The following STAT1 variants were observed in gnomAD, a reference collection of about 807,000 sequenced individuals.
STAT1 encodes the protein signal transducer and activator of transcription 1, also known as signal transducer and activator of transcription 1-alpha/beta.
In STAT1, 24 loss-of-function variants were observed where a neutral mutation model predicts 111.7. The observed-to-expected ratio is 0.21, with a 90% CI of 0.16 to 0.30. The LOEUF is 0.30. Ranked by LOEUF, STAT1 falls within the 10% of genes least tolerant of loss-of-function variation. STAT1 has a pLI of 1.00. For missense variants in STAT1, 351 were observed against 911.9 expected, an observed-to-expected ratio of 0.38 and a Z score of 7.92; for synonymous variants, 332 against 326.5, an observed-to-expected ratio of 1.02 and a Z score of -0.18.
rs544675063 is a variant in STAT1 at position 190,971,043 on chromosome 2, G to A, written c.2239-326C>T. ...CGTGTCAAATCTGCTCATGTGAAAC[G>A]GGTGAGGAAATGCTGAGCCATATGC... On this transcript the variant is annotated intron_variant, in intron 24 of 24. Transcript: ENST00000361099. This position sits in a 1 kb window ranked among gnomAD's most constrained non-coding sequence, Gnocchi z 4.1. Among the ~76,000 whole-genome samples the A allele has an allele frequency of 1.3e-5, 2 of 152,308 alleles. No individual in the cohort carries two copies. Among genetic ancestry groups the A allele is most frequent in the African/African-American group, 2.4e-5 (1 of 41,564 alleles).
chr2:190,989,814 T>G lies in STAT1; in HGVS notation c.1038-140A>C. The G allele has an allele frequency of 1.6e-6, 1 of 639,858 alleles. No homozygotes were observed. The highest frequency in any genetic ancestry group is 1.9e-5 in the South Asian group (1 of 52,966). 39.6% of individuals were successfully genotyped at this position (639,858 alleles called of 1,614,324 possible). The stretch of plus-strand genomic sequence containing the variant: ...TTACCAACAAAAAAACTGACAGTTT[T>G]GTAGATCTACTTAAATTTTTGTAAG... On this transcript the variant is annotated intron_variant, in intron 11 of 24. Transcript: ENST00000361099. The surrounding 1 kb of genome is among the most constrained non-coding windows in gnomAD (Gnocchi z 5.0).
chr2:190,985,946 G>A (rs549207883), intron 14 of STAT1, among the ~76,000 whole-genome samples: 60 of 152,244 alleles, frequency 3.9e-4, no homozygotes, highest in African/African-American at 1.3e-3. Flanking sequence ...ATGCACCTTC[G>A]TTAACTGTTT....
In STAT1 at chr2:190,976,457, T is replaced by C. The variant is rs932117471; in HGVS notation, c.2059+383A>G. On this transcript the variant is annotated intron_variant, in intron 22 of 24. Coordinates refer to ENST00000361099, the MANE Select transcript of STAT1 (RefSeq NM_007315.4). This position sits in a 1 kb window ranked among gnomAD's most constrained non-coding sequence, Gnocchi z 6.0. ...AATAAAAATAGGATCTAGTAAGTAA[T>C]TGGGCCACCCTAAATGAACCACTTC... is the stretch of plus-strand genomic sequence containing the variant. Among the ~76,000 whole-genome samples, 4 of 152,186 alleles carry C rather than the reference T, an allele frequency of 2.6e-5. No homozygotes were observed. Among genetic ancestry groups the C allele is most frequent in the African/African-American group, 9.7e-5 (4 of 41,446 alleles).
intron 2 of STAT1, among the ~76,000 whole-genome samples, chr2:191,011,875 G>A (rs1184082494): frequency 6.6e-6 from 1 of 151,986 alleles, no homozygotes; most frequent in Non-Finnish European, 1.5e-5. Flanking sequence ...AGCAGCATGA[G>A]AACAGACTAA....
rs1028300074 is a variant in STAT1, at chr2:191,006,648, A to C, written c.372+915T>G. ...GCAATGGGCTCCTCCAGAACAATCC[A>C]TAACATGGTGGCTTCACACTGCCTG... is the stretch of plus-strand genomic sequence containing the variant. On this transcript the variant is annotated intron_variant, in intron 5 of 24. Coordinates refer to ENST00000361099, the MANE Select transcript of STAT1 (RefSeq NM_007315.4). The surrounding 1 kb of genome is among the most constrained non-coding windows in gnomAD (Gnocchi z 4.6). Among the ~76,000 whole-genome samples the C allele has an allele frequency of 6.6e-6, 1 of 152,228 alleles. No homozygotes were observed. Among genetic ancestry groups the C allele is most frequent in the African/African-American group, 2.4e-5 (1 of 41,452 alleles).
In STAT1 at chr2:191,004,408, T is replaced by G. The variant is rs1694521560; in HGVS notation, c.372+3155A>C. ...CCAGACCCCAGAGCAAAGAAAAGTC[T>G]TCTGCTCAGGAAGGGGGTCCTTTCC... On this transcript the variant is annotated intron_variant, in intron 5 of 24. Transcript: ENST00000361099. The surrounding 1 kb of genome is among the most constrained non-coding windows in gnomAD (Gnocchi z 5.0). 1.3e-5 allele frequency among the ~76,000 whole-genome samples: 2 copies of G among 152,198 alleles called. No individual in the cohort carries two copies. The highest frequency in any genetic ancestry group is 1.3e-4 in the Admixed American group (2 of 15,280).
chr2:191,001,624 C>A (rs1350439836), intron 5 of STAT1, among the ~76,000 whole-genome samples: 1 of 152,204 alleles, frequency 6.6e-6, no homozygotes, highest in African/African-American at 2.4e-5. Context: ...CCTATTTTAA[C>A]ACAATTCCGG....
At chr2:191,010,449 C>G (rs1695036568) in intron 2 of STAT1, 4 of 458,278 alleles carry the variant, frequency 8.7e-6, no homozygotes, top group Non-Finnish European at 1.8e-5. Context: ...CTGGTGTATC[C>G]CTAGAACAAT....
Position 190,982,848 on chromosome 2 carries a change from A to G in STAT1, c.1447-330T>C, listed in dbSNP as rs138839867. Among the ~76,000 whole-genome samples, 5 of 152,300 alleles carry G rather than the reference A, an allele frequency of 3.3e-5. No homozygotes were observed. The East Asian group carries it at 9.6e-4, about 29-fold the overall frequency. ...ACGCTTCCAACTGAAGCCAAACAAAATGACACTCGCTTCCTGTTTCACCTC... is the reference window on the plus strand; with the variant it reads ...ACGCTTCCAACTGAAGCCAAACAAAGTGACACTCGCTTCCTGTTTCACCTC... On this transcript the variant is annotated intron_variant, in intron 17 of 24. Transcript: ENST00000361099. This position sits in a 1 kb window ranked among gnomAD's most constrained non-coding sequence, Gnocchi z 7.3.
Position 190,986,746 on chromosome 2 carries a change from C to G in STAT1, c.1221+108G>C. 8.9e-7 allele frequency: 1 copy of G among 1,120,418 alleles called. No homozygotes were observed. The highest frequency in any genetic ancestry group is 1.4e-6 in the Non-Finnish European group (1 of 734,146). The allele number at this position is 1,120,418 out of a possible 1,614,324, so 69.4% of individuals were successfully genotyped here. A position where few individuals can be genotyped will look rare whatever the true frequency, so the allele number is the denominator to read the frequency against. ...GACACCAGCCACAAAGTCTACAAAC[C>G]CCAGCAGGGGGGCGTCCTCCACATG... is the stretch of plus-strand genomic sequence containing the variant. On this transcript the variant is annotated intron_variant, in intron 14 of 24. Transcript: ENST00000361099. The surrounding 1 kb of genome is among the most constrained non-coding windows in gnomAD (Gnocchi z 5.0).
Position 190,984,786 on chromosome 2 carries a change from CG to C in STAT1, c.1264-394del, listed in dbSNP as rs1222428990. On this transcript the variant is annotated intron_variant, in intron 15 of 24. Coordinates refer to ENST00000361099, the MANE Select transcript of STAT1 (RefSeq NM_007315.4). This position sits in a 1 kb window ranked among gnomAD's most constrained non-coding sequence, Gnocchi z 5.2. ...ATACTTGTGATTGTCTACTGCCTAC[CG>C]GAAGGGCTGACTCACATCAACTTGG... Among the ~76,000 whole-genome samples, 1 of 152,168 alleles carries C rather than the reference CG, an allele frequency of 6.6e-6. No homozygotes were observed.
chr2:191,001,484 T>C lies in STAT1; in HGVS notation c.373-321A>G, dbSNP rs1351023150. 2.0e-5 allele frequency among the ~76,000 whole-genome samples: 3 copies of C among 152,220 alleles called. No individual in the cohort carries two copies. In the East Asian group the frequency reaches 5.8e-4, roughly 29 times the overall value. ...TCAGATACTATACACAAGATTACTC[T>C]CATTAACTCAGTCCTTATTTATCTT... On this transcript the variant is annotated intron_variant, in intron 5 of 24. Coordinates refer to ENST00000361099, the MANE Select transcript of STAT1 (RefSeq NM_007315.4).
Position 190,986,878 on chromosome 2 carries a change from A to C in STAT1, c.1197T>G (p.Ser399Arg). Residue 399 changes from serine (S) to arginine (R), a missense_variant, in exon 14 of 25, where the codon AGT becomes AGG. Ser to Arg is a moderately radical substitution (Grantham distance 110). This residue lies in a region of STAT1 where 23 missense variants were observed against 123.1 expected (regional missense o/e 0.19). Coordinates refer to ENST00000361099, the MANE Select transcript of STAT1 (RefSeq NM_007315.4). The surrounding 1 kb of genome is among the most constrained non-coding windows in gnomAD (Gnocchi z 5.0). ...CCAGGTGCCGAAATTCAGCCGCCAGACTGCCATTGGTGGACTCCTCCATGT... is the reference window on the plus strand; with the variant it reads ...CCAGGTGCCGAAATTCAGCCGCCAGCCTGCCATTGGTGGACTCCTCCATGT... ...VMNMEESTNGSLAAEFRHLQL... is the reference protein window; with the variant it reads ...VMNMEESTNGRLAAEFRHLQL... The C allele has an allele frequency of 6.2e-7, 1 of 1,614,218 alleles. No homozygotes were observed. The highest frequency in any genetic ancestry group is 8.5e-7 in the Non-Finnish European group (1 of 1,180,032).
chr2:191,013,921 C>T, intron 1 of STAT1, 97 bp downstream of exon 1: 1 of 357,562 alleles, frequency 2.8e-6, no homozygotes. Flanking sequence ...CGGGTCAGCA[C>T]AGACGGCCCG....
Position 190,976,058 on chromosome 2 carries a change from T to C in STAT1, c.2060-171A>G, listed in dbSNP as rs56088741. On this transcript the variant is annotated intron_variant, in intron 22 of 24. Coordinates refer to ENST00000361099, the MANE Select transcript of STAT1 (RefSeq NM_007315.4). The surrounding 1 kb of genome is among the most constrained non-coding windows in gnomAD (Gnocchi z 6.0). ...GAGTCACCTAAAATTCTAGTGGGAA[T>C]GCAGAAACAACGAGAAGAAGGATCT... 2.3e-3 allele frequency among the ~76,000 whole-genome samples: 358 copies of C among 152,342 alleles called. 2 individuals carry two copies. The highest frequency in any genetic ancestry group is 7.9e-3 in the African/African-American group (329 of 41,578).
At position 190,998,204 on chromosome 2, in the gene STAT1, A is replaced by G; in HGVS notation, c.633+13T>C. 6.2e-7 allele frequency: 1 copy of G among 1,609,282 alleles called. No individual in the cohort carries two copies. The highest frequency in any genetic ancestry group is 8.5e-7 in the Non-Finnish European group (1 of 1,175,906). On this transcript the variant is annotated intron_variant, in intron 8 of 24. Transcript: ENST00000361099. This position sits in a 1 kb window ranked among gnomAD's most constrained non-coding sequence, Gnocchi z 4.1. Reference sequence around the variant, plus strand: ...ACAAAAGTGGCATGCTATTCTGGAAAGTAAATAACTACCTTTCTCTTATTG... The same window carrying G: ...ACAAAAGTGGCATGCTATTCTGGAAGGTAAATAACTACCTTTCTCTTATTG...
chr2:190,974,931 G>A lies in STAT1; in HGVS notation c.2137C>T (p.His713Tyr). The A allele has an allele frequency of 6.2e-7, 1 of 1,613,276 alleles. No homozygotes were observed. Among genetic ancestry groups the A allele is most frequent in the South Asian group, 1.1e-5 (1 of 91,048 alleles). Residue 713 changes from histidine (H) to tyrosine (Y), a missense_variant and splice_region_variant, in exon 24 of 25, where the codon CAC becomes TAC. His to Tyr is a moderately conservative substitution (Grantham distance 83). Coordinates refer to ENST00000361099, the MANE Select transcript of STAT1 (RefSeq NM_007315.4). This position sits in a 1 kb window ranked among gnomAD's most constrained non-coding sequence, Gnocchi z 4.8. The part of the protein sequence containing the change: ...KTELISVSEV[H>Y]PSRLQTTDNL... ...TCTGTGGTCTGAAGTCTAGAAGGGT[G>A]ACTAAAATGGGGAAAAAGAAAAGAG...
rs1010761348 is a variant in STAT1 at position 190,998,887 on chromosome 2, T to C, written c.542-579A>G. The stretch of plus-strand genomic sequence containing the variant: ...ATAAAAAATGTATACAAAGCATAGC[T>C]GTAGCTTTCAAAGAGAAGTAGATGA... On this transcript the variant is annotated intron_variant, in intron 7 of 24. Transcript: ENST00000361099. This position sits in a 1 kb window ranked among gnomAD's most constrained non-coding sequence, Gnocchi z 4.1. Among the ~76,000 whole-genome samples the C allele has an allele frequency of 6.6e-6, 1 of 152,098 alleles. No homozygotes were observed. The highest frequency in any genetic ancestry group is 6.5e-5 in the Admixed American group (1 of 15,288).
Position 191,007,768 on chromosome 2 carries a change from CTCTCA to C in STAT1, c.274-112_274-108del. ...GTTTATATTCTCCGGGAAACCTCAT[CTCTCA>C]TCTATTAAATTCTATATAAGCTATG... On this transcript the variant is annotated intron_variant, in intron 4 of 24. Coordinates refer to ENST00000361099, the MANE Select transcript of STAT1 (RefSeq NM_007315.4). This position sits in a 1 kb window ranked among gnomAD's most constrained non-coding sequence, Gnocchi z 4.2. 1.2e-6 allele frequency: 1 copy of C among 805,308 alleles called. No individual in the cohort carries two copies. Among genetic ancestry groups the C allele is most frequent in the East Asian group, 2.5e-5 (1 of 39,416 alleles). The allele number at this position is 805,308 out of a possible 1,614,324, so 49.9% of individuals were successfully genotyped here. A position where few individuals can be genotyped will look rare whatever the true frequency, so the allele number is the denominator to read the frequency against.
Sources: allele counts gnomAD v4.1 joint callset (sites outside exome capture counted in the v4.1 genomes callset), GRCh38; gene constraint gnomAD v4.1.1; regional missense constraint gnomAD v4.1.1; non-coding constraint Gnocchi (gnomAD v3.1); transcripts MANE v1.5; gene names NCBI Gene and HGNC (gene_info 2026-07-23, HGNC 2026-07-21).